The following MIPOL1 variants were observed in gnomAD, a reference collection of about 807,000 sequenced individuals.
MIPOL1 encodes mirror-image polydactyly gene 1 protein.
In MIPOL1, 57 loss-of-function variants were observed where a neutral mutation model predicts 60.9. That is an observed-to-expected ratio of 0.94 (90% CI 0.76 to 1.17). MIPOL1 has a LOEUF of 1.17. Ranked by LOEUF, MIPOL1 falls within the 50% of genes most tolerant of loss-of-function variation. The pLI is 0.00. For missense variants in MIPOL1, 551 were observed against 511.6 expected (o/e 1.08, Z -0.74); for synonymous variants, 179 against 168.8 (o/e 1.06, Z -0.47).
intron 11 of MIPOL1, among the ~76,000 whole-genome samples, chr14:37,486,384 G>C (rs1444065830): frequency 6.6e-6 from 1 of 152,060 alleles, no homozygotes; most frequent in Non-Finnish European, 1.5e-5. Context: ...GTCAATGGTA[G>C]CTTGATAGGA....
At chr14:37,268,826 A>G (rs2083075100) in intron 5 of MIPOL1, 33 bp downstream of exon 5, 4 of 1,480,084 alleles carry the variant, frequency 2.7e-6, no homozygotes, top group Non-Finnish European at 3.6e-6. Flanking sequence ...ATTGTATAGT[A>G]TGGGTTTAGC....
At chr14:37,391,419 T>G (rs1265872133) in intron 10 of MIPOL1, among the ~76,000 whole-genome samples, 2 of 141,518 alleles carry the variant, frequency 1.4e-5, no homozygotes, top group African/African-American at 5.3e-5. Flanking sequence ...TTTTTTGAGA[T>G]AGAGTCTCAC....
At chr14:37,405,901 T>G (rs10139077) in intron 10 of MIPOL1, among the ~76,000 whole-genome samples, 82,717 of 125,308 alleles carry the variant, frequency 0.66, 24,487 homozygotes, top group Non-Finnish European at 0.68. Flanking sequence ...TTTTTAAGAG[T>G]TTTTTTTTTT....
At chr14:37,512,344 G>A (rs768820275) in intron 12 of MIPOL1, among the ~76,000 whole-genome samples, 35 of 152,130 alleles carry the variant, frequency 2.3e-4, no homozygotes, top group Non-Finnish European at 2.4e-4. Flanking sequence ...TGTCACACAA[G>A]GGTTCTTAGC....
At chr14:37,257,764 A>T (rs1299479354) in intron 3 of MIPOL1, among the ~76,000 whole-genome samples, 1 of 152,166 alleles carries the variant, frequency 6.6e-6, no homozygotes, top group Admixed American at 6.6e-5. Context: ...GGAACAATGT[A>T]GCTAAAAAGT....
intron 11 of MIPOL1, among the ~76,000 whole-genome samples, chr14:37,486,461 G>A (rs904700173): frequency 2.6e-5 from 4 of 152,180 alleles, no homozygotes; most frequent in South Asian, 2.1e-4. Context: ...TCCTATCCAT[G>A]AGCATGGAAT....
chr14:37,256,021 G>A lies in MIPOL1; in HGVS notation c.19+8114G>A, dbSNP rs1023489709. 6.9e-4 allele frequency among the ~76,000 whole-genome samples: 105 copies of A among 151,616 alleles called. 1 individual carries two copies. The highest frequency in any genetic ancestry group is 1.9e-4 in the Non-Finnish European group (13 of 67,718). On this transcript the variant is annotated intron_variant, in intron 3 of 12. Coordinates refer to ENST00000684589, the MANE Select transcript of MIPOL1 (RefSeq NM_001388067.1). ...ATATTTTAAAAATTAACAATTAAAT[G>A]CTCCTTTTAAATACAGTTTTGCTGT...
chr14:37,265,851 A>G (rs1219631908), intron 3 of MIPOL1, among the ~76,000 whole-genome samples: 3 of 152,116 alleles, frequency 2.0e-5, no homozygotes, highest in Non-Finnish European at 4.4e-5. Context: ...GGATAGTCTG[A>G]TTTGCAGAGC....
intron 3 of MIPOL1, among the ~76,000 whole-genome samples, chr14:37,263,079 A>T (rs1056416490): frequency 2.0e-5 from 3 of 152,242 alleles, no homozygotes; most frequent in Admixed American, 6.5e-5. Flanking sequence ...TAAAAAATGT[A>T]TAATTATCTG....
chr14:37,431,847 A>G (rs1185861914), intron 11 of MIPOL1, among the ~76,000 whole-genome samples: 2 of 151,598 alleles, frequency 1.3e-5, no homozygotes, highest in Non-Finnish European at 2.9e-5. Flanking sequence ...AGCCTCCCAA[A>G]GTGCTGGGAT....
intron 10 of MIPOL1, among the ~76,000 whole-genome samples, chr14:37,389,475 T>G (rs1158713928): frequency 1.3e-5 from 2 of 152,200 alleles, no homozygotes; most frequent in East Asian, 3.9e-4. Flanking sequence ...CTGGATTTCC[T>G]GACATTCTGG....
chr14:37,300,787 A>T (rs2086282481), intron 7 of MIPOL1, among the ~76,000 whole-genome samples: 1 of 16,006 alleles, frequency 6.2e-5, no homozygotes, highest in African/African-American at 7.9e-5. Context: ...CTGGAATTAC[A>T]GGCATGAGCC....
intron 12 of MIPOL1, among the ~76,000 whole-genome samples, chr14:37,536,021 C>T (rs2095504769): frequency 2.0e-5 from 3 of 152,140 alleles, no homozygotes; most frequent in Admixed American, 1.3e-4. Context: ...CCTCCAACCT[C>T]GGCCTTCCTA....
At chr14:37,487,026 T>A (rs909893854) in intron 11 of MIPOL1, among the ~76,000 whole-genome samples, 2 of 152,104 alleles carry the variant, frequency 1.3e-5, no homozygotes, top group Non-Finnish European at 2.9e-5. Flanking sequence ...CCTAGTTTAT[T>A]GAGAGTTTTT....
At chr14:37,302,652 T>C (rs2086410003) in intron 7 of MIPOL1, among the ~76,000 whole-genome samples, 1 of 151,354 alleles carries the variant, frequency 6.6e-6, no homozygotes, top group Non-Finnish European at 1.5e-5. Context: ...TTTTTTTGCT[T>C]ATGGACATTC....
chr14:37,500,245 G>C, intron 12 of MIPOL1, 107 bp downstream of exon 12: 4 of 817,580 alleles, frequency 4.9e-6, no homozygotes. Flanking sequence ...TAATAGTTTA[G>C]AACAAAAGTA....
intron 11 of MIPOL1, among the ~76,000 whole-genome samples, chr14:37,437,812 G>A (rs2094185466): frequency 6.6e-6 from 1 of 152,014 alleles, no homozygotes; most frequent in South Asian, 2.1e-4. Flanking sequence ...TACAGTACTT[G>A]GGTACACTTA....
intron 11 of MIPOL1, among the ~76,000 whole-genome samples, chr14:37,441,315 C>T (rs2094240742): frequency 6.6e-6 from 1 of 152,070 alleles, no homozygotes; most frequent in Non-Finnish European, 1.5e-5. Context: ...TTTGCCTAGA[C>T]CAATGAACAG....
intron 9 of MIPOL1, among the ~76,000 whole-genome samples, chr14:37,312,604 C>G (rs1398651767): frequency 6.6e-6 from 1 of 151,940 alleles, no homozygotes; most frequent in East Asian, 1.9e-4. Flanking sequence ...TTTAATTGAC[C>G]TAGTTAAAAA....
Sources: allele counts gnomAD v4.1 joint callset (sites outside exome capture counted in the v4.1 genomes callset), GRCh38; gene constraint gnomAD v4.1.1; transcripts MANE v1.5; gene names NCBI Gene and HGNC (gene_info 2026-07-23, HGNC 2026-07-21).